PRKRIP1: variants seen among roughly 807,000 people sequenced by gnomAD.
PRKRIP1 encodes the protein PRKR interacting protein 1, also known as PRKR-interacting protein 1.
PRKRIP1 carries 29 observed loss-of-function variants against 29.3 expected under a neutral mutation model. The ratio of observed to expected loss-of-function variants is 0.99; its 90% CI spans 0.74 to 1.35. PRKRIP1 has a LOEUF of 1.35. PRKRIP1 is among the 40% of genes most tolerant of loss of function. The probability of loss-of-function intolerance (pLI) is 0.00; values close to 1 mark genes in which losing one functional copy is unlikely to be tolerated. For missense variants in PRKRIP1, 247 were observed against 236.8 expected (o/e 1.04, Z -0.28); for synonymous variants, 90 against 85.1 (o/e 1.06, Z -0.32).
intron 2 of PRKRIP1, 106 bp from the exon 3 acceptor site, chr7:102,399,442 T>C (rs1388181013): frequency 2.4e-6 from 2 of 824,304 alleles, no homozygotes; most frequent in East Asian, 4.9e-5. Flanking sequence ...GAAGGCATGG[T>C]CCCTTCCACG....
intron 5 of PRKRIP1, among the ~76,000 whole-genome samples, chr7:102,419,200 G>A (rs898381994): frequency 3.3e-5 from 5 of 151,986 alleles, no homozygotes; most frequent in South Asian, 2.1e-4. Flanking sequence ...GATCACTTGC[G>A]GTCAGGCGTT....
chr7:102,401,151 T>C (rs534061423), intron 3 of PRKRIP1, among the ~76,000 whole-genome samples: 3 of 152,174 alleles, frequency 2.0e-5, no homozygotes, highest in Admixed American at 2.0e-4. Context: ...CCCCATTTTA[T>C]AGATGAGGAA....
intron 5 of PRKRIP1, among the ~76,000 whole-genome samples, chr7:102,412,044 G>A (rs112624200): frequency 4.0e-5 from 6 of 151,816 alleles, no homozygotes; most frequent in Admixed American, 1.3e-4. Flanking sequence ...CACCATGCCC[G>A]GCTGATTTTT....
At chr7:102,415,823 C>T (rs782037691) in intron 5 of PRKRIP1, among the ~76,000 whole-genome samples, 15 of 152,264 alleles carry the variant, frequency 9.9e-5, no homozygotes, top group African/African-American at 1.4e-4. Context: ...GCCCATGAGG[C>T]GATGCTGCGT....
chr7:102,410,213 G>C (rs1796344245), intron 5 of PRKRIP1, among the ~76,000 whole-genome samples: 1 of 152,154 alleles, frequency 6.6e-6, no homozygotes, highest in Non-Finnish European at 1.5e-5. Context: ...GGCCTTGGCT[G>C]TCTTTCTTGG....
intron 5 of PRKRIP1, among the ~76,000 whole-genome samples, chr7:102,413,459 A>G (rs1287140588): frequency 3.3e-5 from 5 of 152,238 alleles, no homozygotes; most frequent in Non-Finnish European, 7.3e-5. Context: ...GCAGAAAAGA[A>G]CAACATCAAA....
intron 5 of PRKRIP1, among the ~76,000 whole-genome samples, chr7:102,420,077 G>A (rs1206158010): frequency 6.6e-6 from 1 of 152,070 alleles, no homozygotes; most frequent in Non-Finnish European, 1.5e-5. Flanking sequence ...GTGGAGATGG[G>A]TTTTCGCCGT....
intron 5 of PRKRIP1, among the ~76,000 whole-genome samples, chr7:102,415,214 C>A (rs556988788): frequency 1.3e-5 from 2 of 152,304 alleles, no homozygotes; most frequent in Non-Finnish European, 2.9e-5. Context: ...TTCCACCCCC[C>A]ACGCACCCAC....
chr7:102,397,862 G>T (rs1340998894), intron 2 of PRKRIP1, among the ~76,000 whole-genome samples, 164 bp downstream of exon 2: 19 of 151,948 alleles, frequency 1.3e-4, no homozygotes, highest in African/African-American at 4.1e-4. Context: ...TGGCTAACAC[G>T]GTGAAACCCC....
chr7:102,405,998 C>A, intron 4 of PRKRIP1: 1 of 262,824 alleles, frequency 3.8e-6, no homozygotes, highest in South Asian at 4.1e-5. Flanking sequence ...AAGTGGTAGT[C>A]GGTTGGCAAG....
intron 5 of PRKRIP1, among the ~76,000 whole-genome samples, chr7:102,416,360 C>G (rs1006093264): frequency 3.3e-5 from 5 of 152,248 alleles, no homozygotes; most frequent in African/African-American, 1.2e-4. Context: ...CACATCGATA[C>G]ACTTGTTAGC....
At chr7:102,399,953 A>G (rs1348699381) in intron 3 of PRKRIP1, among the ~76,000 whole-genome samples, 1 of 151,184 alleles carries the variant, frequency 6.6e-6, no homozygotes, top group African/African-American at 2.4e-5. Flanking sequence ...GTGAGCCAAG[A>G]TCGTGCCATT....
chr7:102,425,243 G>T lies in PRKRIP1; in HGVS notation c.*132G>T, dbSNP rs570938298. ...ATGGAGAGCAAAGGAGACCCCTCCC[G>T]AGCCGCTCACAGTCCTGTATTTGGC... On this transcript the variant is annotated 3_prime_UTR_variant, in exon 6 of 6. Coordinates refer to ENST00000397912, the MANE Select transcript of PRKRIP1 (RefSeq NM_024653.4). The T allele has an allele frequency of 7.3e-6, 11 of 1,513,150 alleles. No homozygotes were observed. Among genetic ancestry groups the T allele is most frequent in the Non-Finnish European group, 7.9e-6 (9 of 1,135,374 alleles). 93.7% of individuals were successfully genotyped at this position (1,513,150 alleles called of 1,614,324 possible). A position where few individuals can be genotyped will look rare whatever the true frequency, so the allele number is the denominator to read the frequency against.
chr7:102,396,488 A>G lies in PRKRIP1; in HGVS notation c.77A>G (p.Asn26Ser), dbSNP rs1795901339. The G allele has an allele frequency of 6.2e-7, 1 of 1,609,932 alleles. No individual in the cohort carries two copies. The highest frequency in any genetic ancestry group is 1.7e-5 in the Admixed American group (1 of 59,574). Residue 26 changes from asparagine (N) to serine (S), a missense_variant, in exon 1 of 6, where the codon AAT becomes AGT. By Grantham distance (46) the Asn-to-Ser change is conservative. Coordinates refer to ENST00000397912, the MANE Select transcript of PRKRIP1 (RefSeq NM_024653.4). ...KEPQTLVIPK[N>S]AAEEQKLKLE... ...CCGCAGACGCTCGTCATCCCCAAGA[A>G]TGCGGCGGAGGAGCAGAAGCTCAAG...
chr7:102,403,352 C>T (rs1796123083), intron 3 of PRKRIP1, among the ~76,000 whole-genome samples: 1 of 152,210 alleles, frequency 6.6e-6, no homozygotes. Flanking sequence ...GCGTACAGCC[C>T]TGGCGGTGCA....
At chr7:102,416,449 C>T (rs1013518023) in intron 5 of PRKRIP1, among the ~76,000 whole-genome samples, 9 of 152,294 alleles carry the variant, frequency 5.9e-5, no homozygotes, top group South Asian at 2.1e-4. Context: ...TCCAGGGCAC[C>T]GCGTCACATT....
At chr7:102,410,074 T>C (rs1796340290) in intron 5 of PRKRIP1, among the ~76,000 whole-genome samples, 1 of 152,144 alleles carries the variant, frequency 6.6e-6, no homozygotes, top group African/African-American at 2.4e-5. Flanking sequence ...CATCTCCCAG[T>C]CTTTGCCTAG....
intron 3 of PRKRIP1, among the ~76,000 whole-genome samples, chr7:102,399,998 T>C (rs1384490563): frequency 7.5e-6 from 1 of 134,166 alleles, no homozygotes; most frequent in African/African-American, 2.8e-5. Context: ...CGAAACTCCA[T>C]CTCAAAAAAA....
chr7:102,416,092 G>A (rs996335711), intron 5 of PRKRIP1, among the ~76,000 whole-genome samples: 2 of 152,166 alleles, frequency 1.3e-5, no homozygotes, highest in Non-Finnish European at 1.5e-5. Flanking sequence ...TCCGGCCCCC[G>A]GCCCTAGAAG....
Sources: allele counts gnomAD v4.1 joint callset (sites outside exome capture counted in the v4.1 genomes callset), GRCh38; gene constraint gnomAD v4.1.1; transcripts MANE v1.5; gene names NCBI Gene and HGNC (gene_info 2026-07-23, HGNC 2026-07-21).